Variants in LRP1B observed in about 807,000 individuals in gnomAD.
LRP1B encodes LDL receptor related protein 1B, also known as low-density lipoprotein receptor-related protein 1B.
In LRP1B, 217 loss-of-function variants were observed where a neutral mutation model predicts 556.6. The observed-to-expected ratio is 0.39, with a 90% CI of 0.35 to 0.44. The LOEUF is 0.44. Ranked by LOEUF, LRP1B falls within the 20% of genes least tolerant of loss-of-function variation. LRP1B has a pLI of 1.00. For synonymous variants in LRP1B, 2,047 were observed against 1,865.8 expected (o/e 1.10, Z -2.50); for missense variants, 5,053 against 5,620.8 (o/e 0.90, Z 3.23).
At chr2:142,078,515 G>A (rs1017061269) in intron 1 of LRP1B, among the ~76,000 whole-genome samples, 3 of 152,036 alleles carry the variant, frequency 2.0e-5, no homozygotes, top group African/African-American at 7.2e-5. Context: ...TTTGGGCTTG[G>A]CACTTAATAA....
intron 74 of LRP1B, 115 bp from the exon 75 acceptor site, chr2:140,356,591 A>T (rs1291421642): frequency 1.5e-6 from 1 of 688,948 alleles, no homozygotes; most frequent in Non-Finnish European, 2.4e-6. Context: ...CTCTTTTTGA[A>T]TGTACAAGGT....
At chr2:140,568,415 T>C (rs1265299714) in intron 43 of LRP1B, among the ~76,000 whole-genome samples, 1 of 151,918 alleles carries the variant, frequency 6.6e-6, no homozygotes, top group African/African-American at 2.4e-5. Flanking sequence ...TGAAGATAGA[T>C]TACTTATAAT....
Position 140,250,092 on chromosome 2 carries a change from G to A in LRP1B, c.13248-2930C>T, listed in dbSNP as rs1425838248. 1.1e-4 allele frequency among the ~76,000 whole-genome samples: 16 copies of A among 151,554 alleles called. No individual in the cohort carries two copies. The Admixed American group carries it at 1.1e-3, about 10-fold the overall frequency. ...ATCCACTATTCTCTGCTATTCATCC[G>A]GGGACAATTATCTTCAAGTTAGCCC... is the stretch of plus-strand genomic sequence containing the variant. On this transcript the variant is annotated intron_variant, in intron 86 of 90. Transcript: ENST00000389484.
chr2:141,742,366 C>G (rs181359917), intron 2 of LRP1B, among the ~76,000 whole-genome samples: 122 of 151,876 alleles, frequency 8.0e-4, no homozygotes, highest in African/African-American at 2.9e-3. Context: ...ATTCTCCTGC[C>G]TCAGCCTCTC....
intron 3 of LRP1B, among the ~76,000 whole-genome samples, chr2:141,341,650 A>C (rs907693282): frequency 8.5e-5 from 13 of 152,196 alleles, no homozygotes; most frequent in African/African-American, 3.1e-4. Flanking sequence ...GTACTTAAGT[A>C]GGGACCATAT....
intron 41 of LRP1B, among the ~76,000 whole-genome samples, chr2:140,684,557 G>T (rs1030375518): frequency 6.6e-6 from 1 of 152,044 alleles, no homozygotes; most frequent in African/African-American, 2.4e-5. Flanking sequence ...AAATAGAGAA[G>T]TTTTTGCCAT....
intron 1 of LRP1B, among the ~76,000 whole-genome samples, chr2:141,918,098 C>A (rs1221683196): frequency 1.3e-5 from 2 of 151,804 alleles, no homozygotes; most frequent in African/African-American, 4.8e-5. Context: ...TTTTTATTTT[C>A]TTTAAAAAGG....
At chr2:140,258,154 C>G (rs1158910587) in intron 86 of LRP1B, among the ~76,000 whole-genome samples, 1 of 152,018 alleles carries the variant, frequency 6.6e-6, no homozygotes, top group Non-Finnish European at 1.5e-5. Flanking sequence ...TATTACTCAC[C>G]CTAAGGACTT....
intron 41 of LRP1B, among the ~76,000 whole-genome samples, chr2:140,647,619 T>A (rs13389934): frequency 0.22 from 32,804 of 152,064 alleles, 3,566 homozygotes; most frequent in South Asian, 0.24. Flanking sequence ...CCTGCCCCCA[T>A]GAACTATTTA....
At chr2:141,102,000 A>G (rs1700473465) in intron 7 of LRP1B, among the ~76,000 whole-genome samples, 1 of 152,208 alleles carries the variant, frequency 6.6e-6, no homozygotes, top group South Asian at 2.1e-4. Flanking sequence ...TAAGTTCAGA[A>G]TCACAAAGCT....
At chr2:141,345,368 G>T (rs1023737797) in intron 3 of LRP1B, among the ~76,000 whole-genome samples, 2 of 151,962 alleles carry the variant, frequency 1.3e-5, no homozygotes, top group Admixed American at 1.3e-4. Flanking sequence ...AACTAATAAG[G>T]ACTTTTTTTT....
At chr2:142,077,613 A>G (rs989711820) in intron 1 of LRP1B, among the ~76,000 whole-genome samples, 40 of 152,160 alleles carry the variant, frequency 2.6e-4, no homozygotes, top group Non-Finnish European at 5.0e-4. Context: ...ATATAAGGTA[A>G]CAGTGTTATT....
intron 2 of LRP1B, among the ~76,000 whole-genome samples, chr2:141,780,697 T>C (rs905028340): frequency 6.6e-6 from 1 of 152,194 alleles, no homozygotes; most frequent in Non-Finnish European, 1.5e-5. Flanking sequence ...CAGCATTCTT[T>C]AGATGAACCT....
chr2:140,777,983 G>C (rs1490739922), intron 32 of LRP1B, among the ~76,000 whole-genome samples: 2 of 151,948 alleles, frequency 1.3e-5, no homozygotes, highest in African/African-American at 4.8e-5. Context: ...AACTGTACTA[G>C]GAATCACTGA....
At chr2:141,768,642 G>GA (rs1385867793) in intron 2 of LRP1B, among the ~76,000 whole-genome samples, 5 of 152,002 alleles carry the variant, frequency 3.3e-5, no homozygotes, top group Non-Finnish European at 7.4e-5. Context: ...CTGCCCAGAG[G>GA]AAAAATCAAA....
At chr2:141,367,896 C>A (rs939019637) in intron 3 of LRP1B, among the ~76,000 whole-genome samples, 2 of 151,982 alleles carry the variant, frequency 1.3e-5, no homozygotes, top group Admixed American at 6.6e-5. Flanking sequence ...GAACTCTTGT[C>A]AAAATAGATC....
intron 27 of LRP1B, among the ~76,000 whole-genome samples, chr2:140,856,623 G>A (rs1692625272): frequency 6.6e-6 from 1 of 152,120 alleles, no homozygotes; most frequent in Non-Finnish European, 1.5e-5. Context: ...GAAGAGGTGT[G>A]ACTGTGTGAA....
intron 6 of LRP1B, 121 bp downstream of exon 6, chr2:141,229,062 G>T (rs1005106025): frequency 3.2e-6 from 3 of 927,450 alleles, no homozygotes; most frequent in Non-Finnish European, 5.1e-6. Context: ...CAAGTTCATT[G>T]TATTTGCACA....
At chr2:140,450,055 T>G (rs1686823032) in intron 63 of LRP1B, among the ~76,000 whole-genome samples, 1 of 152,194 alleles carries the variant, frequency 6.6e-6, no homozygotes, top group African/African-American at 2.4e-5. Flanking sequence ...TTAGAGCAAT[T>G]GCTAAGAACA....
Sources: gnomAD v4.1 joint callset for allele counts (sites outside exome capture counted in the v4.1 genomes callset) on GRCh38, gnomAD v4.1.1 for gene constraint, MANE v1.5 for transcripts, NCBI Gene and HGNC (gene_info 2026-07-23, HGNC 2026-07-21) for gene names.